The following ADAD1 variants were observed in gnomAD, a reference collection of about 807,000 sequenced individuals.
The protein encoded by ADAD1 is adenosine deaminase domain-containing protein 1.
In ADAD1, 46 loss-of-function variants were observed where a neutral mutation model predicts 66.8. The observed-to-expected ratio is 0.69, with a 90% CI of 0.54 to 0.88. The LOEUF is 0.88. Among genes scored for constraint, ADAD1 ranks in the 40% least tolerant of loss-of-function variants. The pLI is 0.00. For synonymous variants in ADAD1, 248 were observed against 229.4 expected, an observed-to-expected ratio of 1.08 and a Z score of -0.73; for missense variants, 617 against 681.8, an observed-to-expected ratio of 0.91 and a Z score of 1.06.
At chr4:122,409,488 T>C (rs1361179743) in intron 8 of ADAD1, among the ~76,000 whole-genome samples, 1 of 152,172 alleles carries the variant, frequency 6.6e-6, no homozygotes, top group African/African-American at 2.4e-5. Flanking sequence ...TTAGGGTAAA[T>C]GGAGTATGTA....
intron 5 of ADAD1, among the ~76,000 whole-genome samples, chr4:122,392,045 A>G: frequency 6.6e-6 from 1 of 152,188 alleles, no homozygotes; most frequent in East Asian, 1.9e-4. Context: ...AACATCTTGT[A>G]CAGTCTTTCT....
intron 2 of ADAD1, chr4:122,379,807 C>T: frequency 2.8e-6 from 1 of 359,932 alleles, no homozygotes; most frequent in Non-Finnish European, 5.0e-6. Flanking sequence ...AGGTCTTTTA[C>T]AGGGACCTCT....
At chr4:122,402,979 T>G (rs1263919262) in intron 7 of ADAD1, among the ~76,000 whole-genome samples, 1 of 152,218 alleles carries the variant, frequency 6.6e-6, no homozygotes, top group Non-Finnish European at 1.5e-5. Context: ...TCTGAATTCT[T>G]TATCTGGCAG....
chr4:122,385,229 A>T (rs1373695260), intron 5 of ADAD1, among the ~76,000 whole-genome samples: 2 of 151,974 alleles, frequency 1.3e-5, no homozygotes, highest in East Asian at 3.9e-4. Context: ...TTTTTCATGT[A>T]TATCTTCTTT....
At chr4:122,388,179 G>T (rs182359991) in intron 5 of ADAD1, among the ~76,000 whole-genome samples, 76 of 152,350 alleles carry the variant, frequency 5.0e-4, no homozygotes, top group Non-Finnish European at 9.7e-4. Context: ...TTATTGATTT[G>T]TGTATGTTGA....
chr4:122,422,956 T>TA (rs537676034), intron 12 of ADAD1, among the ~76,000 whole-genome samples: 16,811 of 96,928 alleles, frequency 0.17, 1,860 homozygotes, highest in East Asian at 0.35. Context: ...TATTTCTCTT[T>TA]AAAAAAAAAA....
chr4:122,379,235 A>T (rs1480409696), intron 1 of ADAD1, 120 bp downstream of exon 1: 1 of 152,496 alleles, frequency 6.6e-6, no homozygotes, highest in Non-Finnish European at 1.5e-5. Flanking sequence ...CGGGACAGTA[A>T]GGGAGGAGGC....
At position 122,379,063 on chromosome 4, in the gene ADAD1, A is replaced by G. The variant is rs1343002067; in HGVS notation, c.-135A>G. ...AAGCCTTCCCCATGGGCACCTTCTC[A>G]GATTGCGATTGTGGATGAAATGAGG... On this transcript the variant is annotated 5_prime_UTR_variant, in exon 1 of 13. Coordinates refer to ENST00000296513, the MANE Select transcript of ADAD1 (RefSeq NM_139243.4). 1.3e-5 allele frequency: 2 copies of G among 152,372 alleles called. No homozygotes were observed. Among genetic ancestry groups the G allele is most frequent in the East Asian group, 3.8e-4 (2 of 5,314 alleles). 9.4% of individuals were successfully genotyped at this position (152,372 alleles called of 1,614,324 possible).
intron 5 of ADAD1, among the ~76,000 whole-genome samples, chr4:122,386,514 T>G (rs940544104): frequency 2.0e-5 from 3 of 152,218 alleles, no homozygotes; most frequent in African/African-American, 4.8e-5. Flanking sequence ...CAGTTTCTTT[T>G]GCTGTGCAGA....
At chr4:122,419,393 G>A (rs1297717535) in intron 11 of ADAD1, among the ~76,000 whole-genome samples, 1 of 152,204 alleles carries the variant, frequency 6.6e-6, no homozygotes, top group South Asian at 2.1e-4. Context: ...TGGAGAGTGG[G>A]AGGAGGGAGA....
intron 5 of ADAD1, among the ~76,000 whole-genome samples, chr4:122,392,688 T>C (rs1214650842): frequency 6.6e-6 from 1 of 152,218 alleles, no homozygotes; most frequent in Non-Finnish European, 1.5e-5. Flanking sequence ...ATGTACCTCC[T>C]GTATCTAAAA....
chr4:122,390,914 G>A (rs372279173), intron 5 of ADAD1, among the ~76,000 whole-genome samples: 1 of 152,122 alleles, frequency 6.6e-6, no homozygotes, highest in South Asian at 2.1e-4. Flanking sequence ...GAGAGACATC[G>A]TGATCATTTG....
At chr4:122,385,706 C>G (rs1318815045) in intron 5 of ADAD1, among the ~76,000 whole-genome samples, 1 of 152,154 alleles carries the variant, frequency 6.6e-6, no homozygotes, top group Admixed American at 6.5e-5. Context: ...CTCCCACCCC[C>G]TAAAAGGCCC....
chr4:122,383,781 T>G lies in ADAD1; in HGVS notation c.362-18T>G. On this transcript the variant is annotated intron_variant, in intron 4 of 12. Coordinates refer to ENST00000296513, the MANE Select transcript of ADAD1 (RefSeq NM_139243.4). Reference sequence around the variant, plus strand: ...TAATAAAAATTATTGTAGCATTCATTCTGAGTTCTTTTTCAAGGTAATGTT... The same window carrying G: ...TAATAAAAATTATTGTAGCATTCATGCTGAGTTCTTTTTCAAGGTAATGTT... The G allele has an allele frequency of 1.3e-6, 2 of 1,575,758 alleles. No homozygotes were observed. Among genetic ancestry groups the G allele is most frequent in the South Asian group, 1.2e-5 (1 of 82,262 alleles).
At chr4:122,407,600 G>A (rs1016858033) in intron 7 of ADAD1, among the ~76,000 whole-genome samples, 2 of 152,174 alleles carry the variant, frequency 1.3e-5, no homozygotes, top group African/African-American at 2.4e-5. Flanking sequence ...ACATCTAGAT[G>A]TAGAAGAAAT....
intron 7 of ADAD1, among the ~76,000 whole-genome samples, chr4:122,402,170 C>G (rs997180145): frequency 1.3e-5 from 2 of 151,960 alleles, no homozygotes; most frequent in African/African-American, 2.4e-5. Context: ...GTCCTTTTAG[C>G]ATTTATTTAA....
At chr4:122,414,570 A>G (rs2150586395) in intron 10 of ADAD1, among the ~76,000 whole-genome samples, 1 of 152,200 alleles carries the variant, frequency 6.6e-6, no homozygotes, top group Admixed American at 6.5e-5. Flanking sequence ...TAGTGCCCAG[A>G]TAGTCATAAT....
At chr4:122,418,306 C>CTTTTTTT (rs10527795) in intron 11 of ADAD1, among the ~76,000 whole-genome samples, 2 of 94,654 alleles carry the variant, frequency 2.1e-5, no homozygotes, top group Non-Finnish European at 4.5e-5. Flanking sequence ...ACGTTATTTT[C>CTTTTTTT]TTTTTTTTTT....
At chr4:122,399,752 T>C (rs930875920) in intron 7 of ADAD1, among the ~76,000 whole-genome samples, 16 of 151,042 alleles carry the variant, frequency 1.1e-4, no homozygotes, top group African/African-American at 3.2e-4. Context: ...TTTTTTTTTT[T>C]TTTTTTAGCT....
Sources: allele counts gnomAD v4.1 joint callset (sites outside exome capture counted in the v4.1 genomes callset), GRCh38; gene constraint gnomAD v4.1.1; transcripts MANE v1.5; gene names NCBI Gene and HGNC (gene_info 2026-07-23, HGNC 2026-07-21).